GRM7: variants seen among roughly 807,000 people sequenced by gnomAD.
GRM7 encodes metabotropic glutamate receptor 7.
Under a neutral mutation model 84.5 loss-of-function variants are expected in GRM7, and 35 were observed. That is an observed-to-expected ratio of 0.41 (90% confidence interval 0.32 to 0.55). GRM7 has a LOEUF of 0.55. Ranked by LOEUF, GRM7 falls within the 20% of genes least tolerant of loss-of-function variation. The pLI, the probability that GRM7 is intolerant of heterozygous loss-of-function variation, is 0.19. For missense variants in GRM7, 1,003 were observed against 1,194.6 expected (o/e 0.84, Z 2.36); for synonymous variants, 487 against 455.1 (o/e 1.07, Z -0.89).
At chr3:7,321,246 G>A (rs993806819) in intron 4 of GRM7, among the ~76,000 whole-genome samples, 9 of 151,994 alleles carry the variant, frequency 5.9e-5, no homozygotes, top group Non-Finnish European at 1.3e-4. Context: ...CAGTTCATAA[G>A]GTTCTGATAC....
intron 4 of GRM7, among the ~76,000 whole-genome samples, chr3:7,307,805 G>C (rs1274322256): frequency 6.6e-6 from 1 of 152,200 alleles, no homozygotes; most frequent in Non-Finnish European, 1.5e-5. Flanking sequence ...CTGTGTATCT[G>C]TTGTGTGCCT....
chr3:7,098,612 A>G (rs1053743338), intron 1 of GRM7, among the ~76,000 whole-genome samples: 1 of 152,004 alleles, frequency 6.6e-6, no homozygotes, highest in Non-Finnish European at 1.5e-5. Context: ...TTCAAGGTGA[A>G]AATATTTGTC....
intron 9 of GRM7, among the ~76,000 whole-genome samples, chr3:7,702,325 G>A (rs1701255263): frequency 6.6e-6 from 1 of 152,152 alleles, no homozygotes; most frequent in Non-Finnish European, 1.5e-5. Context: ...CAGTCTCCTG[G>A]GTGATGCCCA....
intron 1 of GRM7, among the ~76,000 whole-genome samples, chr3:7,055,875 A>T (rs546300923): frequency 6.6e-6 from 1 of 152,052 alleles, no homozygotes; most frequent in African/African-American, 2.4e-5. Context: ...TGGCCCTCTC[A>T]GTATTGATCA....
intron 5 of GRM7, among the ~76,000 whole-genome samples, chr3:7,451,170 G>A (rs779448924): frequency 2.6e-5 from 4 of 152,174 alleles, no homozygotes; most frequent in Non-Finnish European, 4.4e-5. Context: ...AGGGACAAGA[G>A]GTCTAGAGAG....
At chr3:7,512,108 C>T (rs1292720666) in intron 7 of GRM7, among the ~76,000 whole-genome samples, 1 of 152,006 alleles carries the variant, frequency 6.6e-6, no homozygotes, top group Non-Finnish European at 1.5e-5. Context: ...ATGATTGCAC[C>T]ACTGCACTCC....
chr3:7,392,149 C>T (rs1048039104), intron 4 of GRM7, among the ~76,000 whole-genome samples: 2 of 151,048 alleles, frequency 1.3e-5, no homozygotes, highest in Admixed American at 1.3e-4. Flanking sequence ...CTGTGCTTCC[C>T]TTCTGCCTCT....
chr3:6,951,025 C>T (rs1009800926), intron 1 of GRM7, among the ~76,000 whole-genome samples: 5 of 152,180 alleles, frequency 3.3e-5, no homozygotes, highest in African/African-American at 1.2e-4. Context: ...ATGCCTCTCC[C>T]TGCTTCGGCT....
At chr3:7,127,634 T>TA (rs1693445546) in intron 1 of GRM7, among the ~76,000 whole-genome samples, 1 of 152,212 alleles carries the variant, frequency 6.6e-6, no homozygotes, top group African/African-American at 2.4e-5. Flanking sequence ...AAGTTATACA[T>TA]AACATATATA....
At chr3:7,713,593 C>T (rs748935532) in intron 9 of GRM7, among the ~76,000 whole-genome samples, 32 of 152,018 alleles carry the variant, frequency 2.1e-4, no homozygotes, top group Non-Finnish European at 4.7e-4. Context: ...AATGAGTTCT[C>T]TGATCAGAAT....
chr3:7,572,826 ATAT>A lies in GRM7; in HGVS notation c.1516-5595_1516-5593del, dbSNP rs1694747979. Among the ~76,000 whole-genome samples, 12 of 62,518 alleles carry A rather than the reference ATAT, an allele frequency of 1.9e-4. 1 individual carries two copies. The highest frequency in any genetic ancestry group is 7.9e-4 in the African/African-American group (11 of 13,942). The allele number at this position is 62,518 out of a possible 152,430, so 41.0% of individuals were successfully genotyped here. ...GACAGAGTGAGACTCTATCTCAAATATATATATATATATATATATATATATATA... is the reference window on the plus strand; with the variant it reads ...GACAGAGTGAGACTCTATCTCAAATAATATATATATATATATATATATATA... On this transcript the variant is annotated intron_variant, in intron 7 of 9. Transcript: ENST00000357716.
intron 1 of GRM7, among the ~76,000 whole-genome samples, chr3:7,088,784 A>C (rs1698555551): frequency 6.7e-6 from 1 of 150,096 alleles, no homozygotes; most frequent in South Asian, 2.1e-4. Context: ...CCAAAGATTT[A>C]AGGATTCACA....
chr3:6,939,756 A>G (rs968584603), intron 1 of GRM7, among the ~76,000 whole-genome samples: 4 of 152,138 alleles, frequency 2.6e-5, no homozygotes, highest in Non-Finnish European at 4.4e-5. Context: ...GAAAGATATA[A>G]TCTTAAATTG....
chr3:7,691,271 T>C (rs944071694), intron 9 of GRM7: 9 of 1,287,884 alleles, frequency 7.0e-6, no homozygotes, highest in Non-Finnish European at 9.1e-6. Context: ...AAGCTTGTTC[T>C]TCTTGAGCTG....
chr3:6,946,364 A>T (rs1443076663), intron 1 of GRM7, among the ~76,000 whole-genome samples: 1 of 152,138 alleles, frequency 6.6e-6, no homozygotes, highest in East Asian at 1.9e-4. Context: ...AAGATCAGAT[A>T]GTTGTAGATA....
At chr3:7,327,930 T>C (rs1442101868) in intron 4 of GRM7, among the ~76,000 whole-genome samples, 2 of 152,192 alleles carry the variant, frequency 1.3e-5, no homozygotes, top group East Asian at 3.8e-4. Flanking sequence ...AGAAAACTTA[T>C]GAAAATATAA....
At chr3:6,883,908 A>G (rs563125558) in intron 1 of GRM7, among the ~76,000 whole-genome samples, 20 of 152,356 alleles carry the variant, frequency 1.3e-4, no homozygotes, top group African/African-American at 4.6e-4. Context: ...GGAAATGAGC[A>G]GCAACGTACT....
chr3:7,562,501 T>A (rs866785206), intron 7 of GRM7, among the ~76,000 whole-genome samples: 18 of 152,178 alleles, frequency 1.2e-4, no homozygotes, highest in African/African-American at 4.3e-4. Flanking sequence ...CTAGCCAGAA[T>A]TGAGAGCGTT....
chr3:7,382,306 A>C (rs550740251), intron 4 of GRM7, among the ~76,000 whole-genome samples: 1 of 152,294 alleles, frequency 6.6e-6, no homozygotes, highest in Non-Finnish European at 1.5e-5. Context: ...GGCCTATTAA[A>C]TGGGAAGCAT....
Sources: gnomAD v4.1 joint callset for allele counts (sites outside exome capture counted in the v4.1 genomes callset) on GRCh38, gnomAD v4.1.1 for gene constraint, MANE v1.5 for transcripts, NCBI Gene and HGNC (gene_info 2026-07-23, HGNC 2026-07-21) for gene names.